Variants in SRFBP1 observed in about 807,000 individuals in gnomAD.
The protein encoded by SRFBP1 is serum response factor-binding protein 1.
A neutral mutation model predicts 45.5 loss-of-function variants in SRFBP1; 47 were observed. The observed-to-expected ratio is 1.03, with a 90% CI of 0.82 to 1.32. SRFBP1 has a LOEUF of 1.32. Among genes scored for constraint, SRFBP1 ranks in the 40% most tolerant of loss-of-function variants. The pLI is 0.00. For missense variants in SRFBP1, 621 were observed against 484.6 expected (o/e 1.28, Z -2.64); for synonymous variants, 203 against 166.3 (o/e 1.22, Z -1.70).
intron 3 of SRFBP1, among the ~76,000 whole-genome samples, chr5:121,983,776 G>T (rs1752463851): frequency 6.6e-6 from 1 of 151,680 alleles, no homozygotes; most frequent in Non-Finnish European, 1.5e-5. Context: ...AGTACTATTT[G>T]TAGACATTTA....
At chr5:121,995,287 A>G (rs1247751572) in intron 4 of SRFBP1, among the ~76,000 whole-genome samples, 6 of 152,116 alleles carry the variant, frequency 3.9e-5, no homozygotes, top group East Asian at 1.9e-4. Context: ...CAGCAAATGT[A>G]AAAGAACAGA....
chr5:122,027,082 A>G lies in SRFBP1; in HGVS notation c.1246A>G (p.Asn416Asp). The part of the protein sequence containing the change: ...ASRRRKEQQS[N>D]IAVFQGKKIT... ...CAGAAGGCGAAAAGAACAGCAATCT[A>G]ATATTGCTGTGTTTCAGGGGAAAAA... Residue 416 changes from asparagine to aspartate, a missense_variant, in exon 8 of 8, where the codon AAT becomes GAT. Transcript: ENST00000339397. 2.5e-6 allele frequency: 4 copies of G among 1,612,062 alleles called. No individual in the cohort carries two copies. Among genetic ancestry groups the G allele is most frequent in the Non-Finnish European group, 3.4e-6 (4 of 1,179,272 alleles).
chr5:122,064,870 C>G (rs1754257064), intron 2 of SRFBP1: 1 of 151,952 alleles, frequency 6.6e-6, no homozygotes, highest in Non-Finnish European at 1.5e-5. Context: ...GTTTTTAATA[C>G]AAGCTTAAGA....
intron 4 of SRFBP1, among the ~76,000 whole-genome samples, chr5:122,013,792 A>G (rs907155891): frequency 7.9e-5 from 12 of 152,294 alleles, no homozygotes; most frequent in East Asian, 7.7e-4. Context: ...ATATATTGCT[A>G]ATGGAAGTCA....
chr5:122,078,382 G>A (rs1031263589), downstream of SRFBP1: 3 of 165,714 alleles, frequency 1.8e-5, no homozygotes, highest in Non-Finnish European at 2.6e-5. Context: ...CGTGCAAGGC[G>A]GACAGCTCCT....
intron 4 of SRFBP1, among the ~76,000 whole-genome samples, chr5:122,005,622 G>T (rs149443351): frequency 7.0e-4 from 106 of 152,166 alleles, no homozygotes; most frequent in African/African-American, 2.3e-3. Context: ...TATGTGTTAT[G>T]ATTGGAGAAT....
At chr5:122,045,932 C>T (rs996530369) in intron 2 of SRFBP1, among the ~76,000 whole-genome samples, 5 of 152,110 alleles carry the variant, frequency 3.3e-5, no homozygotes, top group African/African-American at 1.2e-4. Flanking sequence ...TTGTCTTTGC[C>T]TGCTTTCAAG....
chr5:121,971,728 A>T (rs1752203410), intron 1 of SRFBP1, among the ~76,000 whole-genome samples: 1 of 152,044 alleles, frequency 6.6e-6, no homozygotes. Flanking sequence ...ACATTTTATG[A>T]CTGGGTAGAG....
In SRFBP1 at chr5:122,020,725, A is replaced by T; in HGVS notation, c.990A>T (p.Lys330Asn). The change falls in exon 6 of 8, where the codon AAA becomes AAT. Residue 330 changes from lysine to asparagine, a missense_variant. Physicochemically the swap from Lys to Asn is moderately conservative, Grantham distance 94 (BLOSUM62 0). Transcript: ENST00000339397. ...GETHGDTRND[K>N]IKPSTETRKL... ...CTCATGGGGATACAAGAAATGACAA[A>T]ATCAAGCCAAGTACAGAAACCAGAA... 1 of 1,611,252 alleles carries T rather than the reference A, an allele frequency of 6.2e-7. No homozygotes were observed. The highest frequency in any genetic ancestry group is 1.1e-5 in the South Asian group (1 of 90,068).
intron 4 of SRFBP1, among the ~76,000 whole-genome samples, chr5:122,009,608 G>T (rs1434540190): frequency 6.6e-6 from 1 of 152,112 alleles, no homozygotes; most frequent in African/African-American, 2.4e-5. Context: ...ATAGTTCTTG[G>T]TAAGTTTTCC....
chr5:122,034,489 G>A (rs971164151), intron 2 of SRFBP1, among the ~76,000 whole-genome samples: 1 of 151,462 alleles, frequency 6.6e-6, no homozygotes, highest in Non-Finnish European at 1.5e-5. Flanking sequence ...CATCTTTAAT[G>A]ACATTCTTTA....
chr5:122,052,646 G>T (rs1325530219), intron 2 of SRFBP1, among the ~76,000 whole-genome samples: 1 of 152,080 alleles, frequency 6.6e-6, no homozygotes, highest in Non-Finnish European at 1.5e-5. Flanking sequence ...GTCAGCTCCT[G>T]TATCGTTTTA....
chr5:122,034,293 G>A (rs1753648005), intron 2 of SRFBP1, among the ~76,000 whole-genome samples: 1 of 152,002 alleles, frequency 6.6e-6, no homozygotes, highest in Admixed American at 6.6e-5. Flanking sequence ...ATTATTTTAT[G>A]CTGTAATTAT....
intron 2 of SRFBP1, among the ~76,000 whole-genome samples, chr5:122,056,704 T>C (rs2979872): frequency 0.017 from 2,655 of 152,286 alleles, 47 homozygotes; most frequent in Admixed American, 0.062. Flanking sequence ...AGTAACACTT[T>C]GTCTTGTTAG....
At position 122,027,304 on chromosome 5, in the gene SRFBP1, G is replaced by A; in HGVS notation, c.*178G>A. On this transcript the variant is annotated 3_prime_UTR_variant, in exon 8 of 8. Coordinates refer to ENST00000339397, the MANE Select transcript of SRFBP1 (RefSeq NM_152546.3). Reference sequence around the variant, plus strand: ...GCCTCCCAAAGGGCTGGGACTGCAGGTGCATGCACTACCATGCCCAGCTTT... The same window carrying A: ...GCCTCCCAAAGGGCTGGGACTGCAGATGCATGCACTACCATGCCCAGCTTT... 1 of 484,882 alleles carries A rather than the reference G, an allele frequency of 2.1e-6. No individual in the cohort carries two copies. The highest frequency in any genetic ancestry group is 3.6e-6 in the Non-Finnish European group (1 of 274,270). 30.0% of individuals were successfully genotyped at this position (484,882 alleles called of 1,614,324 possible).
intron 3 of SRFBP1, among the ~76,000 whole-genome samples, chr5:121,990,917 T>A (rs534458478): frequency 6.6e-6 from 1 of 152,330 alleles, no homozygotes; most frequent in East Asian, 1.9e-4. Flanking sequence ...CAGAAAGCTA[T>A]AATGATTCTT....
At chr5:121,970,164 G>A (rs1458926726) in intron 1 of SRFBP1, among the ~76,000 whole-genome samples, 1 of 152,014 alleles carries the variant, frequency 6.6e-6, no homozygotes, top group Non-Finnish European at 1.5e-5. Context: ...CATCAGTTTT[G>A]CAAAAATCTA....
At chr5:122,053,410 G>A (rs1754024203) in intron 2 of SRFBP1, among the ~76,000 whole-genome samples, 1 of 152,092 alleles carries the variant, frequency 6.6e-6, no homozygotes, top group African/African-American at 2.4e-5. Context: ...AAGTGAGTGG[G>A]TTCCTGTGCT....
At chr5:122,009,433 G>C (rs1279787319) in intron 4 of SRFBP1, among the ~76,000 whole-genome samples, 4 of 151,582 alleles carry the variant, frequency 2.6e-5, no homozygotes, top group Non-Finnish European at 5.9e-5. Context: ...CCCTTTTCAT[G>C]TTTTCTGCCT....
Sources: gnomAD v4.1 joint callset for allele counts (sites outside exome capture counted in the v4.1 genomes callset) on GRCh38, gnomAD v4.1.1 for gene constraint, MANE v1.5 for transcripts, NCBI Gene and HGNC (gene_info 2026-07-23, HGNC 2026-07-21) for gene names.